Variants in AUTS2 observed in about 807,000 individuals in gnomAD.
AUTS2 encodes the protein activator of transcription and developmental regulator AUTS2, also known as autism susceptibility gene 2 protein.
AUTS2 carries 17 observed loss-of-function variants against 112.4 expected under a neutral mutation model. That is an observed-to-expected ratio of 0.15 (90% confidence interval 0.10 to 0.23). The LOEUF is 0.23. AUTS2 is among the 10% of genes least tolerant of loss of function. The pLI, the probability that AUTS2 is intolerant of heterozygous loss-of-function variation, is 1.00. For synonymous variants in AUTS2, 751 were observed against 702.7 expected, an observed-to-expected ratio of 1.07 and a Z score of -1.09; for missense variants, 1,510 against 1,701.6, an observed-to-expected ratio of 0.89 and a Z score of 1.98.
intron 4 of AUTS2, among the ~76,000 whole-genome samples, chr7:70,268,799 A>G (rs967480082): frequency 2.6e-5 from 4 of 152,172 alleles, no homozygotes; most frequent in African/African-American, 7.2e-5. Flanking sequence ...TAAATTGGCT[A>G]CTTGAAAATG....
chr7:70,445,829 G>A (rs985694569), intron 5 of AUTS2, among the ~76,000 whole-genome samples: 13 of 152,056 alleles, frequency 8.5e-5, no homozygotes, highest in Non-Finnish European at 1.8e-4. Flanking sequence ...TGACACATAC[G>A]GCCCTGTAAA....
At position 70,450,561 on chromosome 7, in the gene AUTS2, G is replaced by C. The variant is rs146891834; in HGVS notation, c.690+14780G>C. Among the ~76,000 whole-genome samples the C allele has an allele frequency of 3.0e-4, 46 of 152,328 alleles. No homozygotes were observed. In the East Asian group the frequency reaches 6.4e-3, roughly 21 times the overall value. ...GCAGTGTTGGGGGGAAGATGAGACTGTAAACATATGTTGGTATACACAGTT... is the reference window on the plus strand; with the variant it reads ...GCAGTGTTGGGGGGAAGATGAGACTCTAAACATATGTTGGTATACACAGTT... On this transcript the variant is annotated intron_variant, in intron 5 of 18. Transcript: ENST00000342771.
At chr7:70,605,853 T>A (rs1442018656) in intron 5 of AUTS2, among the ~76,000 whole-genome samples, 1 of 152,222 alleles carries the variant, frequency 6.6e-6, no homozygotes, top group Non-Finnish European at 1.5e-5. Context: ...AGAAATGTTA[T>A]GTATTGTTTT....
At chr7:70,163,564 G>A (rs978394282) in intron 4 of AUTS2, among the ~76,000 whole-genome samples, 3 of 152,104 alleles carry the variant, frequency 2.0e-5, no homozygotes, top group Non-Finnish European at 2.9e-5. Flanking sequence ...CTGCTGTGGG[G>A]GAAGGACTAT....
intron 4 of AUTS2, among the ~76,000 whole-genome samples, chr7:70,344,139 A>T (rs1791392496): frequency 6.6e-6 from 1 of 152,154 alleles, no homozygotes; most frequent in Non-Finnish European, 1.5e-5. Flanking sequence ...TAGACACCTT[A>T]CTTACGCCCT....
rs1332893247 is a variant in AUTS2, at chr7:70,694,966, C to A, written c.691-3603C>A. The stretch of plus-strand genomic sequence containing the variant: ...TGGTGGTTTCCCCCCTGGTCTTTGA[C>A]GATCGCCCTTCGGGAGCCCTGCTAA... On this transcript the variant is annotated intron_variant, in intron 5 of 18. Transcript: ENST00000342771. The surrounding 1 kb of genome is among the most constrained non-coding windows in gnomAD (Gnocchi z 4.1). 6.6e-6 allele frequency: 1 copy of A among 152,436 alleles called. No individual in the cohort carries two copies. The highest frequency in any genetic ancestry group is 2.4e-5 in the African/African-American group (1 of 41,462). The allele number at this position is 152,436 out of a possible 1,614,324, so 9.4% of individuals were successfully genotyped here. A position where few individuals can be genotyped will look rare whatever the true frequency, so the allele number is the denominator to read the frequency against.
intron 3 of AUTS2, chr7:70,120,118 A>C (rs988809446): frequency 6.6e-6 from 1 of 152,168 alleles, no homozygotes; most frequent in Non-Finnish European, 1.5e-5. Flanking sequence ...GCAGTTCTCT[A>C]TGATAATACC....
At chr7:70,035,698 G>C (rs1025846126) in intron 2 of AUTS2, among the ~76,000 whole-genome samples, 1 of 152,144 alleles carries the variant, frequency 6.6e-6, no homozygotes, top group Non-Finnish European at 1.5e-5. Flanking sequence ...GGAACCAGCT[G>C]GTTCTTTATT....
intron 1 of AUTS2, among the ~76,000 whole-genome samples, chr7:69,666,833 T>C (rs1796070411): frequency 6.6e-6 from 1 of 152,040 alleles, no homozygotes; most frequent in Non-Finnish European, 1.5e-5. Flanking sequence ...GCCCAGCATA[T>C]TGAGGCTGCA....
chr7:70,397,964 AT>A (rs1343719763), intron 4 of AUTS2, among the ~76,000 whole-genome samples: 1 of 152,144 alleles, frequency 6.6e-6, no homozygotes, highest in Non-Finnish European at 1.5e-5. Context: ...TGTGACTTCA[AT>A]TTTGTATATG....
intron 2 of AUTS2, among the ~76,000 whole-genome samples, chr7:69,956,517 G>T (rs540507977): frequency 5.3e-4 from 80 of 152,226 alleles, no homozygotes; most frequent in African/African-American, 1.5e-3. Flanking sequence ...AATCTTTACG[G>T]TGAGTTATGT....
chr7:70,530,186 T>G (rs1240688370), intron 5 of AUTS2, among the ~76,000 whole-genome samples: 1 of 152,170 alleles, frequency 6.6e-6, no homozygotes, highest in Non-Finnish European at 1.5e-5. Context: ...AGGGGAGTTT[T>G]GCGTTGTGCT....
intron 4 of AUTS2, among the ~76,000 whole-genome samples, chr7:70,409,534 G>C (rs894811836): frequency 6.6e-6 from 1 of 152,150 alleles, no homozygotes. Flanking sequence ...CATTCCGACA[G>C]TGTCTTCCAT....
chr7:69,735,270 A>C (rs1181315481), intron 1 of AUTS2, among the ~76,000 whole-genome samples: 2 of 152,208 alleles, frequency 1.3e-5, no homozygotes, highest in Non-Finnish European at 2.9e-5. Flanking sequence ...ATTGTGAGTG[A>C]TGAAACTGGG....
At chr7:70,225,207 G>A (rs1280105393) in intron 4 of AUTS2, among the ~76,000 whole-genome samples, 1 of 151,824 alleles carries the variant, frequency 6.6e-6, no homozygotes, top group Admixed American at 6.6e-5. Context: ...TCCCTTTTTG[G>A]GTTTAATATG....
At chr7:70,173,129 A>G (rs942238565) in intron 4 of AUTS2, among the ~76,000 whole-genome samples, 5 of 152,134 alleles carry the variant, frequency 3.3e-5, no homozygotes, top group African/African-American at 1.2e-4. Context: ...CTGTAATCCC[A>G]GTACTTTGGG....
intron 6 of AUTS2, among the ~76,000 whole-genome samples, chr7:70,755,077 CCCAGTTAGAA>C (rs1450845521): frequency 6.6e-6 from 1 of 152,048 alleles, no homozygotes; most frequent in East Asian, 1.9e-4. Context: ...CCAAATAATA[CCCAGTTAGAA>C]CCAGTTAGAA....
intron 4 of AUTS2, among the ~76,000 whole-genome samples, chr7:70,406,424 C>G (rs1301017152): frequency 1.3e-5 from 2 of 152,226 alleles, no homozygotes; most frequent in Admixed American, 1.3e-4. Flanking sequence ...CCCTCTTCCC[C>G]ATCTTGCAGA....
intron 4 of AUTS2, among the ~76,000 whole-genome samples, chr7:70,236,198 G>A (rs955322444): frequency 4.6e-5 from 7 of 152,142 alleles, no homozygotes; most frequent in African/African-American, 1.7e-4. Context: ...AATGAACACA[G>A]ATGACTAGAA....
Sources: gnomAD v4.1 joint callset for allele counts (sites outside exome capture counted in the v4.1 genomes callset) on GRCh38, gnomAD v4.1.1 for gene constraint, Gnocchi (gnomAD v3.1) non-coding constraint, MANE v1.5 for transcripts, NCBI Gene and HGNC (gene_info 2026-07-23, HGNC 2026-07-21) for gene names.